The following SCAPER variants were observed in gnomAD, a reference collection of about 807,000 sequenced individuals.
SCAPER encodes S phase cyclin A-associated protein in the endoplasmic reticulum.
SCAPER carries 98 observed loss-of-function variants against 182.2 expected under a neutral mutation model. That is an observed-to-expected ratio of 0.54 (90% CI 0.46 to 0.64). The LOEUF is 0.64. Among genes scored for constraint, SCAPER ranks in the 30% least tolerant of loss-of-function variants. The pLI is 0.00. For synonymous variants in SCAPER, 605 were observed against 564.6 expected, an observed-to-expected ratio of 1.07 and a Z score of -1.01; for missense variants, 1,432 against 1,690.0, an observed-to-expected ratio of 0.85 and a Z score of 2.68.
At chr15:76,366,202 C>A (rs2041810924) in intron 29 of SCAPER, among the ~76,000 whole-genome samples, 1 of 152,076 alleles carries the variant, frequency 6.6e-6, no homozygotes, top group African/African-American at 2.4e-5. Context: ...GAATGGACAG[C>A]ATTTAATAAT....
At chr15:76,507,475 C>G (rs1001226925) in intron 23 of SCAPER, among the ~76,000 whole-genome samples, 1 of 152,152 alleles carries the variant, frequency 6.6e-6, no homozygotes, top group Non-Finnish European at 1.5e-5. Context: ...TATATTTCTT[C>G]TAATAGCATT....
intron 21 of SCAPER, among the ~76,000 whole-genome samples, chr15:76,639,228 AATT>A (rs2053899225): frequency 6.6e-6 from 1 of 152,194 alleles, no homozygotes; most frequent in African/African-American, 2.4e-5. Context: ...TGTGTTATTT[AATT>A]CTTCTCACTA....
chr15:76,370,058 C>A (rs764930510), intron 29 of SCAPER, among the ~76,000 whole-genome samples: 5 of 152,072 alleles, frequency 3.3e-5, no homozygotes, highest in Non-Finnish European at 7.3e-5. Context: ...AGGCAGGCAG[C>A]TCATTAAGCT....
chr15:76,531,425 T>A (rs905704288), intron 23 of SCAPER, among the ~76,000 whole-genome samples: 1 of 152,136 alleles, frequency 6.6e-6, no homozygotes, highest in African/African-American at 2.4e-5. Context: ...CTGGGGACAG[T>A]TACATCTTGA....
chr15:76,443,172 G>A (rs781678305), intron 25 of SCAPER, among the ~76,000 whole-genome samples: 1 of 152,054 alleles, frequency 6.6e-6, no homozygotes, highest in Non-Finnish European at 1.5e-5. Context: ...ACAGTGCAGG[G>A]GCTCCTTAAT....
At chr15:76,553,096 AC>A (rs1214366043) in intron 23 of SCAPER, among the ~76,000 whole-genome samples, 1 of 151,328 alleles carries the variant, frequency 6.6e-6, no homozygotes, top group East Asian at 2.0e-4. Flanking sequence ...AGCACCCCCC[AC>A]CCCCTACTGC....
intron 29 of SCAPER, among the ~76,000 whole-genome samples, chr15:76,360,979 T>A (rs995665428): frequency 6.7e-5 from 10 of 150,312 alleles, no homozygotes; most frequent in Admixed American, 4.6e-4. Context: ...TTATGTCAAA[T>A]ATATTTGTAA....
At chr15:76,868,403 C>A (rs1452227626) in intron 2 of SCAPER, among the ~76,000 whole-genome samples, 1 of 150,848 alleles carries the variant, frequency 6.6e-6, no homozygotes, top group East Asian at 1.9e-4. Flanking sequence ...AAAAAAAAAA[C>A]CAAAAAACCT....
intron 1 of SCAPER, among the ~76,000 whole-genome samples, chr15:76,904,124 G>A (rs1185510550): frequency 8.5e-5 from 13 of 152,142 alleles, no homozygotes. Context: ...AATAACAGAA[G>A]GGAAAGAGCA....
At chr15:76,772,338 G>T (rs907204770) in intron 9 of SCAPER, among the ~76,000 whole-genome samples, 5 of 151,924 alleles carry the variant, frequency 3.3e-5, no homozygotes, top group African/African-American at 1.2e-4. Context: ...TATTTACATG[G>T]TCTTTTGCAA....
intron 21 of SCAPER, among the ~76,000 whole-genome samples, chr15:76,650,461 T>C (rs1173362751): frequency 1.3e-5 from 2 of 151,974 alleles, no homozygotes; most frequent in African/African-American, 4.8e-5. Flanking sequence ...GAACAATTTG[T>C]CAAGAATATA....
chr15:76,821,167 G>A (rs1397653406), intron 5 of SCAPER, among the ~76,000 whole-genome samples: 1 of 152,180 alleles, frequency 6.6e-6, no homozygotes, highest in African/African-American at 2.4e-5. Context: ...CACACAAAAA[G>A]CTGCACACAG....
chr15:76,440,096 T>C (rs1265500764), intron 25 of SCAPER, among the ~76,000 whole-genome samples: 3 of 152,178 alleles, frequency 2.0e-5, no homozygotes, highest in Admixed American at 1.3e-4. Flanking sequence ...GTTTTAGATA[T>C]AGAAAAAAAT....
chr15:76,757,735 A>G (rs2062537301), intron 14 of SCAPER, among the ~76,000 whole-genome samples: 6 of 152,154 alleles, frequency 3.9e-5, no homozygotes, highest in Admixed American at 3.9e-4. Flanking sequence ...ACAGCATACA[A>G]GGGTTCCATT....
chr15:76,765,762 A>C, intron 11 of SCAPER, 124 bp from the exon 12 acceptor site: 1 of 817,052 alleles, frequency 1.2e-6, no homozygotes. Flanking sequence ...ACAGTTGAAA[A>C]CCAGGAAAAA....
intron 23 of SCAPER, among the ~76,000 whole-genome samples, chr15:76,557,542 G>T (rs2046280728): frequency 6.6e-6 from 1 of 152,122 alleles, no homozygotes. Flanking sequence ...ATTCTTGTGA[G>T]ATCTGTTTGT....
chr15:76,806,015 T>C (rs973122593), intron 5 of SCAPER, among the ~76,000 whole-genome samples: 2 of 152,238 alleles, frequency 1.3e-5, no homozygotes, highest in Middle Eastern at 3.2e-3. Flanking sequence ...AAACATCTTG[T>C]CCCATTATGT....
At chr15:76,901,833 C>T (rs567434693) in intron 1 of SCAPER, among the ~76,000 whole-genome samples, 18 of 152,304 alleles carry the variant, frequency 1.2e-4, no homozygotes, top group African/African-American at 4.3e-4. Context: ...GATTCTCCTG[C>T]CTCAGCCTCC....
At chr15:76,508,958 G>A (rs753727325) in intron 23 of SCAPER, among the ~76,000 whole-genome samples, 12 of 152,060 alleles carry the variant, frequency 7.9e-5, no homozygotes, top group Admixed American at 4.6e-4. Flanking sequence ...ATTTAATTTG[G>A]TAGGGACTGG....
Sources: allele counts gnomAD v4.1 joint callset (sites outside exome capture counted in the v4.1 genomes callset), GRCh38; gene constraint gnomAD v4.1.1; transcripts MANE v1.5; gene names NCBI Gene and HGNC (gene_info 2026-07-23, HGNC 2026-07-21).